BMAL1: variants seen among roughly 807,000 people sequenced by gnomAD.
The protein encoded by BMAL1 is basic helix-loop-helix ARNT like 1.
At chr11:13,281,789 C>T in the BMAL1 span, among the ~76,000 whole-genome samples, 1 of 152,198 alleles carries the variant, frequency 6.6e-6, no homozygotes, top group Non-Finnish European at 1.5e-5. Context: ...GGATTACAGG[C>T]GTGAGTCACT....
chr11:13,284,242 A>ATGTGTG, the BMAL1 span, among the ~76,000 whole-genome samples: 5 of 7,838 alleles, frequency 6.4e-4, no homozygotes, highest in South Asian at 0.05. Context: ...GTGTATATAT[A>ATGTGTG]TATATATATA....
the BMAL1 span, among the ~76,000 whole-genome samples, chr11:13,326,888 C>T: frequency 4.6e-5 from 7 of 151,892 alleles, no homozygotes; most frequent in East Asian, 2.0e-4. Context: ...GGTGCGATCT[C>T]GGCTCACTGC....
the BMAL1 span, among the ~76,000 whole-genome samples, chr11:13,290,811 A>G: frequency 0.92 from 140,332 of 152,024 alleles, 65,238 homozygotes; most frequent in East Asian, 1. Flanking sequence ...TCCAGTGCCC[A>G]GCTGCATAAC....
At chr11:13,381,136 G>A in the BMAL1 span, 6 of 1,607,166 alleles carry the variant, frequency 3.7e-6, no homozygotes, top group Non-Finnish European at 5.1e-6. Flanking sequence ...AAAAGAAAAG[G>A]CAGTGTAATT....
At chr11:13,369,915 ATGTG>A in the BMAL1 span, 9 of 990,454 alleles carry the variant, frequency 9.1e-6, no homozygotes, top group South Asian at 1.7e-5. Flanking sequence ...AGTCCTCCCT[ATGTG>A]TAGGGCAGTT....
chr11:13,381,813 T>C, the BMAL1 span, among the ~76,000 whole-genome samples: 1 of 152,164 alleles, frequency 6.6e-6, no homozygotes, highest in African/African-American at 2.4e-5. Flanking sequence ...TATAAATAGG[T>C]TTAGGAACCA....
chr11:13,368,590 C>T, the BMAL1 span, among the ~76,000 whole-genome samples: 1 of 152,094 alleles, frequency 6.6e-6, no homozygotes, highest in Non-Finnish European at 1.5e-5. Flanking sequence ...CAGAAGGAGC[C>T]CTGGGCAGTG....
chr11:13,305,755 C>T, the BMAL1 span, among the ~76,000 whole-genome samples: 1 of 152,074 alleles, frequency 6.6e-6, no homozygotes, highest in Non-Finnish European at 1.5e-5. Flanking sequence ...GCCACTTGCA[C>T]TTTGCTGGCA....
chr11:13,361,623 T>TC, the BMAL1 span, among the ~76,000 whole-genome samples: 1,005 of 152,278 alleles, frequency 6.6e-3, 10 homozygotes, highest in African/African-American at 0.023. Context: ...TGACGTGCTA[T>TC]CTCAAATTGG....
the BMAL1 span, chr11:13,374,230 G>A: frequency 1.3e-6 from 2 of 1,590,662 alleles, no homozygotes; most frequent in Non-Finnish European, 1.7e-6. Context: ...AAGATCTTAA[G>A]TTGAAAGTGT....
chr11:13,306,150 G>T, the BMAL1 span, among the ~76,000 whole-genome samples: 3 of 152,132 alleles, frequency 2.0e-5, no homozygotes, highest in East Asian at 5.8e-4. Context: ...GAAATGGTTG[G>T]GGGAAATTGG....
At chr11:13,321,881 C>G in the BMAL1 span, among the ~76,000 whole-genome samples, 1 of 152,162 alleles carries the variant, frequency 6.6e-6, no homozygotes, top group Non-Finnish European at 1.5e-5. Flanking sequence ...AACTTAGATT[C>G]CAGCTTCGGT....
chr11:13,384,023 G>A, the BMAL1 span, among the ~76,000 whole-genome samples: 1 of 152,308 alleles, frequency 6.6e-6, no homozygotes, highest in African/African-American at 2.4e-5. Context: ...AACTACTTGT[G>A]TGATTAAGTT....
At chr11:13,339,405 C>A in the BMAL1 span, among the ~76,000 whole-genome samples, 1 of 149,372 alleles carries the variant, frequency 6.7e-6, no homozygotes, top group Non-Finnish European at 1.5e-5. Flanking sequence ...TAGCCGTCTC[C>A]TAACTCAGCT....
At chr11:13,367,250 C>T in the BMAL1 span, among the ~76,000 whole-genome samples, 1 of 152,178 alleles carries the variant, frequency 6.6e-6, no homozygotes, top group African/African-American at 2.4e-5. Flanking sequence ...GCTCCCCCAC[C>T]TGGCTTTCTT....
chr11:13,368,182 G>A, the BMAL1 span, among the ~76,000 whole-genome samples: 197 of 152,334 alleles, frequency 1.3e-3, 1 homozygote, highest in East Asian at 5.0e-3. Flanking sequence ...TCAGAGAAAT[G>A]AGACAGACAG....
chr11:13,368,196 C>T, the BMAL1 span, among the ~76,000 whole-genome samples: 1 of 152,058 alleles, frequency 6.6e-6, no homozygotes, highest in Non-Finnish European at 1.5e-5. Context: ...CAGACAGCAC[C>T]CTGCATAGTA....
the BMAL1 span, among the ~76,000 whole-genome samples, chr11:13,287,600 G>GTATAGGCT: frequency 6.6e-6 from 1 of 152,198 alleles, no homozygotes; most frequent in African/African-American, 2.4e-5. Flanking sequence ...CTCTCTAGCA[G>GTATAGGCT]TATAGGCTTA....
the BMAL1 span, among the ~76,000 whole-genome samples, chr11:13,327,963 T>C: frequency 6.6e-6 from 1 of 151,796 alleles, no homozygotes; most frequent in Non-Finnish European, 1.5e-5. Context: ...GGGTGTCATG[T>C]TTCTGCAGGG....
Sources: allele counts gnomAD v4.1 joint callset (sites outside exome capture counted in the v4.1 genomes callset), GRCh38; gene constraint gnomAD v4.1.1; transcripts MANE v1.5; gene names NCBI Gene and HGNC (gene_info 2026-07-23, HGNC 2026-07-21).